The following ARMC2 variants were observed in gnomAD, a reference collection of about 807,000 sequenced individuals.
The protein encoded by ARMC2 is armadillo repeat containing 2.
A neutral mutation model predicts 90.3 loss-of-function variants in ARMC2; 67 were observed. The ratio of observed to expected loss-of-function variants is 0.74; its 90% confidence interval spans 0.61 to 0.91. The LOEUF is 0.91. ARMC2 is among the 40% of genes least tolerant of loss of function. ARMC2 has a pLI of 0.00. For synonymous variants in ARMC2, 393 were observed against 393.0 expected (o/e 1.00, Z 0.00); for missense variants, 920 against 1,030.9 (o/e 0.89, Z 1.47).
intron 7 of ARMC2, 93 bp from the exon 8 acceptor site, chr6:108,904,133 ATAAT>A (rs760185489): frequency 1.8e-5 from 25 of 1,371,306 alleles, no homozygotes; most frequent in Middle Eastern, 1.9e-4. Flanking sequence ...ATCCAAGGAA[ATAAT>A]TATGGGGTTT....
In ARMC2 at chr6:108,911,095, A is replaced by G. The variant is rs1023344346; in HGVS notation, c.1126+94A>G. The G allele has an allele frequency of 2.6e-5, 20 of 778,030 alleles. 1 individual carries two copies. Among genetic ancestry groups the G allele is most frequent in the Admixed American group, 2.0e-4 (6 of 30,500 alleles). The allele number at this position is 778,030 out of a possible 1,614,324, so 48.2% of individuals were successfully genotyped here. A position where few individuals can be genotyped will look rare whatever the true frequency, so the allele number is the denominator to read the frequency against. On this transcript the variant is annotated intron_variant, in intron 9 of 17. Coordinates refer to ENST00000392644, the MANE Select transcript of ARMC2 (RefSeq NM_032131.6). ...AAATATATAATCAATGATAGCAAGAATATTTTGTTTTCTAGAAACATGCAG... is the reference window on the plus strand; with the variant it reads ...AAATATATAATCAATGATAGCAAGAGTATTTTGTTTTCTAGAAACATGCAG...
At chr6:109,012,052 A>G in the ARMC2 span, among the ~76,000 whole-genome samples, 1 of 152,188 alleles carries the variant, frequency 6.6e-6, no homozygotes, top group African/African-American at 2.4e-5. Context: ...GATGTTCTGA[A>G]GGTGCTGCTC....
At chr6:109,051,571 T>G in the ARMC2 span, among the ~76,000 whole-genome samples, 2 of 152,200 alleles carry the variant, frequency 1.3e-5, no homozygotes, top group Non-Finnish European at 2.9e-5. Flanking sequence ...TAAAAGCTTG[T>G]AGAATTACAA....
At chr6:108,992,276 TTTTTTA>T in the ARMC2 span, among the ~76,000 whole-genome samples, 5 of 152,100 alleles carry the variant, frequency 3.3e-5, no homozygotes, top group Admixed American at 1.3e-4. Flanking sequence ...TTTTATTTTA[TTTTTTA>T]TTTTTATTTT....
chr6:109,014,431 G>A, the ARMC2 span, among the ~76,000 whole-genome samples: 1 of 152,158 alleles, frequency 6.6e-6, no homozygotes, highest in Non-Finnish European at 1.5e-5. Flanking sequence ...GTAAAATTCA[G>A]CCTGGAATTA....
In ARMC2 at chr6:108,912,465, T is replaced by C; in HGVS notation, c.1257T>C (p.Ala419=). 1 of 1,613,954 alleles carries C rather than the reference T, an allele frequency of 6.2e-7. No homozygotes were observed. The highest frequency in any genetic ancestry group is 8.5e-7 in the Non-Finnish European group (1 of 1,179,822). ...GFLNEMISKG[A]VEILINLIKQ... Reference sequence around the variant, plus strand: ...TTAATGAAATGATCAGCAAAGGTGCTGTGGAAATACTGATAAATTTGATAA... The same window carrying C: ...TTAATGAAATGATCAGCAAAGGTGCCGTGGAAATACTGATAAATTTGATAA... The change falls in exon 10 of 18, where the codon GCT becomes GCC. Residue 419 remains alanine, a synonymous_variant. Coordinates refer to ENST00000392644, the MANE Select transcript of ARMC2 (RefSeq NM_032131.6).
intron 3 of ARMC2, among the ~76,000 whole-genome samples, chr6:108,863,460 A>G (rs1562326896): frequency 6.6e-6 from 1 of 152,332 alleles, no homozygotes; most frequent in East Asian, 1.9e-4. Flanking sequence ...CCTTCTTAGC[A>G]GCTCCCAGCT....
intron 5 of ARMC2, among the ~76,000 whole-genome samples, chr6:108,884,055 C>A (rs777549968): frequency 6.6e-6 from 1 of 152,016 alleles, no homozygotes; most frequent in Non-Finnish European, 1.5e-5. Flanking sequence ...AGTCATTATT[C>A]TTTTAAGATT....
intron 12 of ARMC2, among the ~76,000 whole-genome samples, chr6:108,952,341 A>G (rs1583200824): frequency 6.6e-6 from 1 of 152,372 alleles, no homozygotes; most frequent in African/African-American, 2.4e-5. Context: ...AAAAGTGCAT[A>G]AAACGGGTAT....
At chr6:109,021,272 C>T in the ARMC2 span, among the ~76,000 whole-genome samples, 169 of 152,268 alleles carry the variant, frequency 1.1e-3, 1 homozygote, top group African/African-American at 3.9e-3. Context: ...TGTGAGCCAC[C>T]TTGCCGAGCC....
At chr6:108,946,086 A>C (rs966275250) in intron 12 of ARMC2, among the ~76,000 whole-genome samples, 2 of 152,204 alleles carry the variant, frequency 1.3e-5, no homozygotes, top group Non-Finnish European at 2.9e-5. Context: ...CAGGCTGTAC[A>C]ATACGCCCTT....
At chr6:108,910,694 T>C (rs979593006) in intron 8 of ARMC2, among the ~76,000 whole-genome samples, 1 of 152,216 alleles carries the variant, frequency 6.6e-6, no homozygotes, top group African/African-American at 2.4e-5. Context: ...CTAAAGATAA[T>C]TTATATTGTG....
chr6:109,051,893 A>G, the ARMC2 span, among the ~76,000 whole-genome samples: 1 of 152,140 alleles, frequency 6.6e-6, no homozygotes, highest in Non-Finnish European at 1.5e-5. Flanking sequence ...CTCTTTTATA[A>G]GGACCTTAAT....
At chr6:108,991,295 A>G in the ARMC2 span, among the ~76,000 whole-genome samples, 14,965 of 152,100 alleles carry the variant, frequency 0.098, 907 homozygotes, top group Middle Eastern at 0.19. Context: ...AGGCTAGAGT[A>G]CAATGGTATG....
intron 3 of ARMC2, among the ~76,000 whole-genome samples, chr6:108,866,681 T>A (rs1316981441): frequency 6.6e-6 from 1 of 152,244 alleles, no homozygotes; most frequent in Non-Finnish European, 1.5e-5. Context: ...CAAGTTCACA[T>A]AACTAGTGAG....
At chr6:109,028,737 T>C in the ARMC2 span, among the ~76,000 whole-genome samples, 1 of 152,142 alleles carries the variant, frequency 6.6e-6, no homozygotes, top group Non-Finnish European at 1.5e-5. Context: ...TAAAAATAAT[T>C]GCCCCGATCT....
intron 4 of ARMC2, among the ~76,000 whole-genome samples, chr6:108,870,758 T>C (rs1317089767): frequency 1.3e-5 from 2 of 152,194 alleles, no homozygotes; most frequent in African/African-American, 2.4e-5. Context: ...TCCCGATTTG[T>C]TTCCTTTCTT....
At chr6:108,994,827 C>T in the ARMC2 span, among the ~76,000 whole-genome samples, 20 of 151,754 alleles carry the variant, frequency 1.3e-4, no homozygotes, top group African/African-American at 4.1e-4. Context: ...CTCGGCCTCC[C>T]GAGTAGCTGG....
intron 10 of ARMC2, among the ~76,000 whole-genome samples, chr6:108,925,025 G>A (rs1464532815): frequency 6.6e-6 from 1 of 152,152 alleles, no homozygotes; most frequent in Non-Finnish European, 1.5e-5. Context: ...AATACACAGA[G>A]GCTGGTCCCC....
Sources: allele counts gnomAD v4.1 joint callset (sites outside exome capture counted in the v4.1 genomes callset), GRCh38; gene constraint gnomAD v4.1.1; transcripts MANE v1.5; gene names NCBI Gene and HGNC (gene_info 2026-07-23, HGNC 2026-07-21).